Variants in INSYN2B observed in about 807,000 individuals in gnomAD.
INSYN2B encodes the protein protein INSYN2B.
Under a neutral mutation model 41.2 loss-of-function variants are expected in INSYN2B, and 16 were observed. The observed-to-expected ratio is 0.39, with a 90% CI of 0.26 to 0.59. The LOEUF is 0.59. INSYN2B is among the 20% of genes least tolerant of loss of function. INSYN2B has a pLI of 0.57. For missense variants in INSYN2B, 608 were observed against 646.4 expected, an observed-to-expected ratio of 0.94 and a Z score of 0.64; for synonymous variants, 245 against 244.4, an observed-to-expected ratio of 1.00 and a Z score of -0.02.
intron 1 of INSYN2B, among the ~76,000 whole-genome samples, chr5:169,952,473 A>G (rs1157490614): frequency 1.3e-5 from 2 of 152,108 alleles, no homozygotes; most frequent in Admixed American, 1.3e-4. Context: ...CGCTGGTCTT[A>G]TGCAGGTGAC....
intron 1 of INSYN2B, among the ~76,000 whole-genome samples, chr5:169,965,488 G>C (rs1777265094): frequency 6.6e-6 from 1 of 152,220 alleles, no homozygotes. Flanking sequence ...TAGTGTTGGA[G>C]TCAGGTCAGC....
At chr5:169,934,944 T>C (rs1162213604) in intron 1 of INSYN2B, 7 of 323,630 alleles carry the variant, frequency 2.2e-5, no homozygotes, top group African/African-American at 1.5e-4. Context: ...TAGAAAGTGA[T>C]TGTGCTATGC....
chr5:169,951,673 T>G (rs1226577216), intron 1 of INSYN2B, among the ~76,000 whole-genome samples: 1 of 152,218 alleles, frequency 6.6e-6, no homozygotes, highest in East Asian at 1.9e-4. Context: ...TTATTAATAA[T>G]AATGGTATAA....
intron 1 of INSYN2B, among the ~76,000 whole-genome samples, chr5:169,944,638 C>T (rs576953621): frequency 6.6e-6 from 1 of 152,338 alleles, no homozygotes; most frequent in South Asian, 2.1e-4. Context: ...GAAATGGGGA[C>T]AATCCCCACT....
intron 1 of INSYN2B, among the ~76,000 whole-genome samples, chr5:169,905,930 C>T (rs906316528): frequency 6.6e-6 from 1 of 152,238 alleles, no homozygotes; most frequent in African/African-American, 2.4e-5. Flanking sequence ...TTGAACCTGA[C>T]TGTATCTAAA....
At chr5:169,933,932 A>G (rs1413416401) in intron 1 of INSYN2B, among the ~76,000 whole-genome samples, 2 of 152,166 alleles carry the variant, frequency 1.3e-5, no homozygotes, top group South Asian at 2.1e-4. Flanking sequence ...CATTAATGCT[A>G]CTGACTTAGG....
intron 1 of INSYN2B, among the ~76,000 whole-genome samples, chr5:169,901,074 C>T (rs1173790907): frequency 6.6e-6 from 1 of 151,900 alleles, no homozygotes; most frequent in Non-Finnish European, 1.5e-5. Flanking sequence ...AAATAGAGGC[C>T]GGTGGGAGAA....
At chr5:169,936,041 T>C (rs1775978580) in intron 1 of INSYN2B, among the ~76,000 whole-genome samples, 1 of 152,152 alleles carries the variant, frequency 6.6e-6, no homozygotes, top group South Asian at 2.1e-4. Flanking sequence ...GGAACAACTG[T>C]AAAGAAGTCT....
At chr5:169,939,779 G>A (rs970563153) in intron 1 of INSYN2B, among the ~76,000 whole-genome samples, 1 of 152,006 alleles carries the variant, frequency 6.6e-6, no homozygotes, top group Non-Finnish European at 1.5e-5. Flanking sequence ...TCTATATTAA[G>A]GTCCCTAAAA....
intron 1 of INSYN2B, among the ~76,000 whole-genome samples, chr5:169,950,880 C>T (rs1046770853): frequency 2.0e-5 from 3 of 152,210 alleles, no homozygotes; most frequent in Non-Finnish European, 4.4e-5. Flanking sequence ...GCCCACGGGG[C>T]AGATGTGGCC....
At chr5:169,886,903 G>A (rs774743148) in intron 1 of INSYN2B, among the ~76,000 whole-genome samples, 1 of 152,176 alleles carries the variant, frequency 6.6e-6, no homozygotes, top group Non-Finnish European at 1.5e-5. Context: ...CATTGATTAT[G>A]TGCCAGGCAT....
chr5:169,945,489 C>T (rs554886637), intron 1 of INSYN2B, among the ~76,000 whole-genome samples: 1 of 152,384 alleles, frequency 6.6e-6, no homozygotes, highest in South Asian at 2.1e-4. Context: ...CAGTGCCAAA[C>T]ACTTTGTATG....
intron 1 of INSYN2B, among the ~76,000 whole-genome samples, chr5:169,911,473 G>A (rs1392916685): frequency 1.3e-5 from 2 of 152,196 alleles, no homozygotes; most frequent in Non-Finnish European, 2.9e-5. Context: ...GACTGGGGAT[G>A]TTTAATGTGG....
chr5:169,967,196 T>G (rs761949053), intron 1 of INSYN2B, among the ~76,000 whole-genome samples: 15 of 152,192 alleles, frequency 9.9e-5, no homozygotes, highest in Non-Finnish European at 1.9e-4. Context: ...GAAAGTGATA[T>G]GCACAGGGAC....
chr5:169,881,562 C>T (rs940993225), intron 2 of INSYN2B, 120 bp from the exon 3 acceptor site: 38 of 716,682 alleles, frequency 5.3e-5, no homozygotes, highest in Admixed American at 3.9e-4. Context: ...TGAAGTTGCA[C>T]GGCCATTACA....
Position 169,949,245 on chromosome 5 carries a change from G to A in INSYN2B, c.-919+31032C>T, listed in dbSNP as rs530860070. ...GACTACTATGTGCAGAATGTGGTAG[G>A]GATCCATTGAAGATACAATCCTTGC... On this transcript the variant is annotated intron_variant, in intron 1 of 3. Coordinates refer to ENST00000377365, the MANE Select transcript of INSYN2B (RefSeq NM_001129891.3). Among the ~76,000 whole-genome samples, 26 of 152,298 alleles carry A rather than the reference G, an allele frequency of 1.7e-4. No individual in the cohort carries two copies. In the South Asian group the frequency reaches 5.2e-3, roughly 30 times the overall value.
At chr5:169,876,207 C>A (rs571879121) in intron 3 of INSYN2B, among the ~76,000 whole-genome samples, 1 of 152,330 alleles carries the variant, frequency 6.6e-6, no homozygotes, top group East Asian at 1.9e-4. Context: ...CACCAGACAA[C>A]CCACCCTGCT....
At chr5:169,967,258 A>G (rs1216878543) in intron 1 of INSYN2B, among the ~76,000 whole-genome samples, 1 of 152,232 alleles carries the variant, frequency 6.6e-6, no homozygotes, top group Non-Finnish European at 1.5e-5. Context: ...AGAGAATCCC[A>G]GAAGCCTTTC....
intron 1 of INSYN2B, among the ~76,000 whole-genome samples, chr5:169,903,582 G>T (rs1480914485): frequency 3.3e-5 from 5 of 152,116 alleles, no homozygotes; most frequent in Admixed American, 6.5e-5. Context: ...GAGAAGGGAA[G>T]TCACTTCAGG....
Sources: gnomAD v4.1 joint callset for allele counts (sites outside exome capture counted in the v4.1 genomes callset) on GRCh38, gnomAD v4.1.1 for gene constraint, MANE v1.5 for transcripts, NCBI Gene and HGNC (gene_info 2026-07-23, HGNC 2026-07-21) for gene names.